The following RASAL2 variants were observed in gnomAD, a reference collection of about 807,000 sequenced individuals.
RASAL2 encodes the protein ras GTPase-activating protein nGAP.
In RASAL2, 58 loss-of-function variants were observed where a neutral mutation model predicts 128.9. The observed-to-expected ratio is 0.45, with a 90% CI of 0.36 to 0.56. The LOEUF is 0.56. Ranked by LOEUF, RASAL2 falls within the 20% of genes least tolerant of loss-of-function variation. The pLI, the probability that RASAL2 is intolerant of heterozygous loss-of-function variation, is 0.00. For missense variants in RASAL2, 1,360 were observed against 1,601.6 expected (o/e 0.85, Z 2.57); for synonymous variants, 561 against 580.8 (o/e 0.97, Z 0.49).
chr1:178,399,149 C>T (rs1673450470), intron 4 of RASAL2, among the ~76,000 whole-genome samples: 1 of 152,198 alleles, frequency 6.6e-6, no homozygotes, highest in Admixed American at 6.5e-5. Flanking sequence ...TTGCCCACTT[C>T]CCCACTCCCT....
intron 1 of RASAL2, among the ~76,000 whole-genome samples, chr1:178,265,899 T>C (rs1274154462): frequency 1.3e-5 from 2 of 152,248 alleles, no homozygotes; most frequent in African/African-American, 4.8e-5. Flanking sequence ...CTCAACGTTA[T>C]ATTTGTGAGA....
At chr1:178,412,597 A>G (rs1674464677) in intron 4 of RASAL2, among the ~76,000 whole-genome samples, 1 of 152,222 alleles carries the variant, frequency 6.6e-6, no homozygotes, top group Non-Finnish European at 1.5e-5. Context: ...GTGTTCCTAA[A>G]TCAGCCATGA....
chr1:178,150,286 C>T (rs1447089601), intron 1 of RASAL2, among the ~76,000 whole-genome samples: 1 of 152,012 alleles, frequency 6.6e-6, no homozygotes, highest in Non-Finnish European at 1.5e-5. Context: ...CCTCCACCTC[C>T]TGGGTTCAAG....
intron 1 of RASAL2, among the ~76,000 whole-genome samples, chr1:178,221,687 C>T (rs1290833116): frequency 6.6e-6 from 1 of 152,120 alleles, no homozygotes; most frequent in Non-Finnish European, 1.5e-5. Context: ...TGTGGCCTAT[C>T]TTGATGAATG....
chr1:178,440,526 G>A (rs1013035764), intron 6 of RASAL2, among the ~76,000 whole-genome samples: 1 of 152,028 alleles, frequency 6.6e-6, no homozygotes, highest in Non-Finnish European at 1.5e-5. Flanking sequence ...CTGCTGTATT[G>A]GACAGAGCAT....
intron 1 of RASAL2, among the ~76,000 whole-genome samples, chr1:178,112,899 TAAAGTA>T (rs1407143641): frequency 2.0e-5 from 3 of 151,892 alleles, no homozygotes; most frequent in African/African-American, 7.3e-5. Context: ...CCCTAAAACT[TAAAGTA>T]TAATAGTAAA....
At chr1:178,223,256 A>G (rs1663672830) in intron 1 of RASAL2, among the ~76,000 whole-genome samples, 1 of 152,210 alleles carries the variant, frequency 6.6e-6, no homozygotes, top group African/African-American at 2.4e-5. Flanking sequence ...TAATTTCACG[A>G]GGAAATATAC....
At chr1:178,430,891 A>G (rs962626948) in intron 5 of RASAL2, among the ~76,000 whole-genome samples, 1 of 147,602 alleles carries the variant, frequency 6.8e-6, no homozygotes, top group Non-Finnish European at 1.5e-5. Context: ...AGAAGGGAAA[A>G]ACAAAGGCAA....
chr1:178,244,487 C>T (rs371514940), intron 1 of RASAL2, among the ~76,000 whole-genome samples: 10 of 152,270 alleles, frequency 6.6e-5, no homozygotes, highest in South Asian at 2.1e-4. Context: ...GTAATCCACC[C>T]GCCTCGGCCT....
At chr1:178,391,115 T>C (rs1353529103) in intron 4 of RASAL2, among the ~76,000 whole-genome samples, 1 of 152,122 alleles carries the variant, frequency 6.6e-6, no homozygotes, top group Non-Finnish European at 1.5e-5. Context: ...GAATCAGCAT[T>C]AAATACAAAA....
Position 178,457,682 on chromosome 1 carries a change from G to C in RASAL2, c.2391-1G>C. 6.2e-7 allele frequency: 1 copy of C among 1,610,434 alleles called. No homozygotes were observed. The highest frequency in any genetic ancestry group is 8.5e-7 in the Non-Finnish European group (1 of 1,177,726). ...ATTAAGTGTCCTTTCCTTTTCCACA[G>C]TGATTTGCATAAACTAAAATCTCCA... On this transcript the variant is annotated splice_acceptor_variant, in intron 13 of 17. Coordinates refer to ENST00000367649, the MANE Select transcript of RASAL2 (RefSeq NM_170692.4). LOFTEE classifies it high-confidence loss of function.
chr1:178,420,195 G>A (rs1286511680), intron 4 of RASAL2, among the ~76,000 whole-genome samples: 1 of 152,102 alleles, frequency 6.6e-6, no homozygotes, highest in Non-Finnish European at 1.5e-5. Context: ...ATTTGTGTAT[G>A]TTATATTGTT....
At chr1:178,284,266 AAC>A (rs1571776777) in intron 2 of RASAL2, among the ~76,000 whole-genome samples, 1 of 152,196 alleles carries the variant, frequency 6.6e-6, no homozygotes. Context: ...TGCACAAAAG[AAC>A]ACAGTCTCTA....
intron 5 of RASAL2, among the ~76,000 whole-genome samples, chr1:178,430,464 AAG>A (rs1173942881): frequency 9.9e-5 from 15 of 152,114 alleles, no homozygotes; most frequent in East Asian, 3.9e-4. Flanking sequence ...TCTTCCAGTG[AAG>A]AGTGTATTCA....
At chr1:178,331,443 T>C (rs1444725558) in intron 3 of RASAL2, among the ~76,000 whole-genome samples, 2 of 152,202 alleles carry the variant, frequency 1.3e-5, no homozygotes, top group Non-Finnish European at 2.9e-5. Flanking sequence ...TTTACTGTTA[T>C]TTAGTGGAGG....
intron 1 of RASAL2, among the ~76,000 whole-genome samples, chr1:178,275,991 A>G (rs1306576476): frequency 6.6e-6 from 1 of 152,214 alleles, no homozygotes; most frequent in Non-Finnish European, 1.5e-5. Flanking sequence ...ATGGTAATGT[A>G]AGGATTAAGA....
chr1:178,456,523 G>A lies in RASAL2; in HGVS notation c.2212-198G>A, dbSNP rs552533226. The A allele has an allele frequency of 5.2e-4, 343 of 662,308 alleles. 1 individual carries two copies. Among genetic ancestry groups the A allele is most frequent in the South Asian group, 1.2e-3 (67 of 56,366 alleles). The allele number at this position is 662,308 out of a possible 1,614,324, so 41.0% of individuals were successfully genotyped here. ...CTCGATGTCTGCCGCACCTTGTTTCGCCTCCTCCATTCATCTCGACGCCAT... is the reference window on the plus strand; with the variant it reads ...CTCGATGTCTGCCGCACCTTGTTTCACCTCCTCCATTCATCTCGACGCCAT... On this transcript the variant is annotated intron_variant, in intron 12 of 17. Transcript: ENST00000367649.
chr1:178,456,438 G>A, intron 12 of RASAL2: 1 of 496,710 alleles, frequency 2.0e-6, no homozygotes, highest in South Asian at 2.4e-5. Flanking sequence ...TAGTTTGGTA[G>A]TTTTGAGCAT....
intron 1 of RASAL2, among the ~76,000 whole-genome samples, chr1:178,161,587 C>T (rs775698404): frequency 3.9e-5 from 6 of 152,080 alleles, no homozygotes; most frequent in East Asian, 1.9e-4. Flanking sequence ...TTTGTGAACA[C>T]GTTTGTTGTT....
Sources: gnomAD v4.1 joint callset for allele counts (sites outside exome capture counted in the v4.1 genomes callset) on GRCh38, gnomAD v4.1.1 for gene constraint, MANE v1.5 for transcripts, NCBI Gene and HGNC (gene_info 2026-07-23, HGNC 2026-07-21) for gene names.